FAM135A: variants seen among roughly 807,000 people sequenced by gnomAD.
The protein encoded by FAM135A is family with sequence similarity 135 member A, also known as protein FAM135A.
In FAM135A, 79 loss-of-function variants were observed where a neutral mutation model predicts 146.8. The observed-to-expected ratio is 0.54, with a 90% CI of 0.45 to 0.65. FAM135A has a LOEUF of 0.65. Ranked by LOEUF, FAM135A falls within the 30% of genes least tolerant of loss-of-function variation. FAM135A has a pLI of 0.00. For missense variants in FAM135A, 1,623 were observed against 1,758.2 expected, an observed-to-expected ratio of 0.92 and a Z score of 1.38; for synonymous variants, 562 against 603.6, an observed-to-expected ratio of 0.93 and a Z score of 1.01.
At chr6:70,492,922 G>A (rs1418509845) in intron 11 of FAM135A, among the ~76,000 whole-genome samples, 1 of 150,032 alleles carries the variant, frequency 6.7e-6, no homozygotes, top group East Asian at 1.9e-4. Context: ...TTAGTGCATT[G>A]ATGTATTTTT....
intron 5 of FAM135A, among the ~76,000 whole-genome samples, chr6:70,462,846 G>A (rs1779679948): frequency 6.6e-6 from 1 of 152,186 alleles, no homozygotes; most frequent in Admixed American, 6.5e-5. Flanking sequence ...AGGAAAGATT[G>A]TCCCAGTTAC....
chr6:70,549,631 T>C (rs1799459585), intron 20 of FAM135A, among the ~76,000 whole-genome samples: 1 of 152,308 alleles, frequency 6.6e-6, no homozygotes, highest in African/African-American at 2.4e-5. Flanking sequence ...GTATGCATAC[T>C]TTAATTTTAA....
intron 5 of FAM135A, among the ~76,000 whole-genome samples, chr6:70,456,620 T>C (rs1021885470): frequency 6.6e-6 from 1 of 152,210 alleles, no homozygotes; most frequent in African/African-American, 2.4e-5. Context: ...GTGTAAAGGA[T>C]ATAATTAAGT....
intron 12 of FAM135A, chr6:70,503,524 C>A (rs1037012671): frequency 4.6e-5 from 7 of 152,064 alleles, no homozygotes; most frequent in African/African-American, 1.7e-4. Context: ...AAAGCATACA[C>A]CCTTTCAGTT....
intron 4 of FAM135A, among the ~76,000 whole-genome samples, chr6:70,430,675 G>T (rs562410576): frequency 1.3e-5 from 2 of 152,206 alleles, no homozygotes; most frequent in Admixed American, 1.3e-4. Flanking sequence ...TGCTGAGAAC[G>T]TCTGCTTACA....
intron 5 of FAM135A, among the ~76,000 whole-genome samples, chr6:70,463,161 G>GCTCTC (rs1296379942): frequency 1.3e-5 from 2 of 152,142 alleles, no homozygotes. Context: ...TTTTGTGCAT[G>GCTCTC]CTCTCCTCTC....
chr6:70,559,717 A>T lies in FAM135A; in HGVS notation c.4344A>T (p.Gly1448=). 1 of 1,613,442 alleles carries T rather than the reference A, an allele frequency of 6.2e-7. No individual in the cohort carries two copies. The highest frequency in any genetic ancestry group is 8.5e-7 in the Non-Finnish European group (1 of 1,179,648). The change falls in exon 22 of 22, where the codon GGA becomes GGT. Residue 1448 remains glycine, a splice_region_variant and synonymous_variant. Transcript: ENST00000418814. ...TCCTTTTTTCTGTTGGTTCCATAGG[A>T]CAGATCTATTCAGAAATGATCCACA... is the stretch of plus-strand genomic sequence containing the variant. ...CKTALKDKQS[G]QIYSEMIHNL... is the part of the protein sequence containing the mutation.
chr6:70,499,806 CA>C (rs1195031715), intron 11 of FAM135A, among the ~76,000 whole-genome samples: 1 of 152,136 alleles, frequency 6.6e-6, no homozygotes, highest in Admixed American at 6.5e-5. Flanking sequence ...TATTGGCCCC[CA>C]CTCTCTTCTG....
chr6:70,414,597 G>C (rs1767126767), intron 1 of FAM135A, among the ~76,000 whole-genome samples: 1 of 135,510 alleles, frequency 7.4e-6, no homozygotes, highest in Admixed American at 8.2e-5. Context: ...AGACTTCTTT[G>C]TGACATACCC....
chr6:70,537,027 C>G (rs1796917321), intron 19 of FAM135A, among the ~76,000 whole-genome samples: 1 of 151,300 alleles, frequency 6.6e-6, no homozygotes, highest in African/African-American at 2.4e-5. Flanking sequence ...CTTTTGACTC[C>G]CTGGTTCAAG....
At position 70,493,946 on chromosome 6, in the gene FAM135A, G is replaced by T. The variant is rs373962341; in HGVS notation, c.873+2863G>T. 3.8e-3 allele frequency among the ~76,000 whole-genome samples: 576 copies of T among 151,494 alleles called. 1 individual carries two copies. Among genetic ancestry groups the T allele is most frequent in the Middle Eastern group, 0.038 (11 of 292 alleles). ...CGGGCACCTGCAATCCCAGCTACTT[G>T]GGAGGCTGAGTCAGGGAGATTTGCT... is the stretch of plus-strand genomic sequence containing the variant. On this transcript the variant is annotated intron_variant, in intron 11 of 21. Coordinates refer to ENST00000418814, the MANE Select transcript of FAM135A (RefSeq NM_001162529.3).
intron 17 of FAM135A, among the ~76,000 whole-genome samples, chr6:70,533,506 T>C (rs938507319): frequency 6.6e-6 from 1 of 152,206 alleles, no homozygotes. Context: ...AAACATCTTA[T>C]GTTTCATACT....
intron 8 of FAM135A, among the ~76,000 whole-genome samples, chr6:70,479,722 A>T (rs566357958): frequency 1.1e-4 from 16 of 152,198 alleles, no homozygotes; most frequent in African/African-American, 3.4e-4. Flanking sequence ...TCATTGAAAA[A>T]TTTTTAATTT....
At chr6:70,551,785 C>T (rs1239869092) in intron 20 of FAM135A, among the ~76,000 whole-genome samples, 1 of 152,104 alleles carries the variant, frequency 6.6e-6, no homozygotes, top group East Asian at 1.9e-4. Context: ...GCAGTCAGAG[C>T]ATAGTCCATA....
intron 5 of FAM135A, among the ~76,000 whole-genome samples, chr6:70,472,672 T>A (rs993030874): frequency 7.9e-5 from 12 of 152,174 alleles, no homozygotes; most frequent in African/African-American, 2.9e-4. Context: ...AATTGTTATG[T>A]CTCTTTAGTC....
chr6:70,521,213 A>T (rs1030231040), intron 12 of FAM135A, among the ~76,000 whole-genome samples: 1 of 152,184 alleles, frequency 6.6e-6, no homozygotes, highest in Non-Finnish European at 1.5e-5. Flanking sequence ...TCAAGAAATG[A>T]TCATTATTGT....
At chr6:70,479,116 A>T (rs927113148) in intron 8 of FAM135A, among the ~76,000 whole-genome samples, 1 of 152,168 alleles carries the variant, frequency 6.6e-6, no homozygotes, top group African/African-American at 2.4e-5. Context: ...ATTTACCAAG[A>T]TTATCTTCAT....
intron 4 of FAM135A, among the ~76,000 whole-genome samples, chr6:70,435,062 C>CGT (rs60366617): frequency 1.6e-3 from 205 of 126,954 alleles, no homozygotes; most frequent in South Asian, 8.0e-3. Context: ...TATATATATA[C>CGT]GTGTGTGTGT....
rs557534285 is a variant in FAM135A at position 70,489,279 on chromosome 6, G to A, written c.824-1755G>A. Among the ~76,000 whole-genome samples the A allele has an allele frequency of 4.3e-4, 66 of 152,206 alleles. No homozygotes were observed. In the South Asian group the frequency reaches 9.1e-3, roughly 21 times the overall value. ...AGTTTTGGAAAGCCCAATATTAGAA[G>A]CCACTGGTTTATCTAACAGTGAAAT... On this transcript the variant is annotated intron_variant, in intron 10 of 21. Transcript: ENST00000418814.
Sources: allele counts gnomAD v4.1 joint callset (sites outside exome capture counted in the v4.1 genomes callset), GRCh38; gene constraint gnomAD v4.1.1; transcripts MANE v1.5; gene names NCBI Gene and HGNC (gene_info 2026-07-23, HGNC 2026-07-21).